The following PRORP variants were observed in gnomAD, a reference collection of about 807,000 sequenced individuals.
The protein encoded by PRORP is mitochondrial ribonuclease P catalytic subunit.
A neutral mutation model predicts 59.4 loss-of-function variants in PRORP; 51 were observed. The observed-to-expected ratio is 0.86, with a 90% CI of 0.69 to 1.08. The LOEUF is 1.08. Ranked by LOEUF, PRORP falls within the 50% of genes least tolerant of loss-of-function variation. The pLI, the probability that PRORP is intolerant of heterozygous loss-of-function variation, is 0.00. For synonymous variants in PRORP, 231 were observed against 245.6 expected (o/e 0.94, Z 0.55); for missense variants, 646 against 690.3 (o/e 0.94, Z 0.72).
intron 5 of PRORP, among the ~76,000 whole-genome samples, chr14:35,198,136 A>G (rs2049053363): frequency 6.6e-6 from 1 of 152,234 alleles, no homozygotes; most frequent in Non-Finnish European, 1.5e-5. Context: ...GGAACACCCA[A>G]TTCTGGTATA....
chr14:35,182,218 A>G (rs559503945), intron 5 of PRORP, among the ~76,000 whole-genome samples: 40 of 152,094 alleles, frequency 2.6e-4, no homozygotes, highest in African/African-American at 9.6e-4. Context: ...GTGAGCTGAG[A>G]TCATGTCACT....
intron 5 of PRORP, among the ~76,000 whole-genome samples, chr14:35,210,274 T>C (rs1204620393): frequency 6.6e-6 from 1 of 152,208 alleles, no homozygotes; most frequent in Non-Finnish European, 1.5e-5. Flanking sequence ...CAGTCCCCAG[T>C]AATTACTTGT....
chr14:35,209,052 A>C (rs2049368976), intron 5 of PRORP, among the ~76,000 whole-genome samples: 1 of 151,858 alleles, frequency 6.6e-6, no homozygotes, highest in African/African-American at 2.4e-5. Flanking sequence ...ATAAAAATAA[A>C]TAAAAATACA....
At chr14:35,250,244 GA>G (rs1189564914) in intron 5 of PRORP, among the ~76,000 whole-genome samples, 1 of 148,976 alleles carries the variant, frequency 6.7e-6, no homozygotes, top group African/African-American at 2.5e-5. Flanking sequence ...AAAAAAAAAA[GA>G]AAAAAAAAGA....
At chr14:35,206,769 C>G (rs1319891506) in intron 5 of PRORP, among the ~76,000 whole-genome samples, 1 of 152,086 alleles carries the variant, frequency 6.6e-6, no homozygotes, top group African/African-American at 2.4e-5. Flanking sequence ...GGTGGGAGTG[C>G]TAAGATTTTA....
chr14:35,206,483 G>A (rs1252378977), intron 5 of PRORP, among the ~76,000 whole-genome samples: 1 of 152,232 alleles, frequency 6.6e-6, no homozygotes, highest in Middle Eastern at 3.4e-3. Context: ...TACTGGCCAG[G>A]TCTACTCTGT....
intron 5 of PRORP, among the ~76,000 whole-genome samples, chr14:35,195,947 A>G (rs987527853): frequency 2.6e-5 from 4 of 152,212 alleles, no homozygotes; most frequent in Admixed American, 1.3e-4. Context: ...AAGGAGTCCA[A>G]GGAGAATGTA....
At chr14:35,272,753 T>C (rs753630607) in intron 7 of PRORP, among the ~76,000 whole-genome samples, 2 of 152,186 alleles carry the variant, frequency 1.3e-5, no homozygotes, top group Non-Finnish European at 2.9e-5. Flanking sequence ...ATAGCATTTC[T>C]CTACTTTTGT....
intron 5 of PRORP, among the ~76,000 whole-genome samples, chr14:35,248,007 T>C (rs2050525075): frequency 6.6e-6 from 1 of 152,058 alleles, no homozygotes; most frequent in Non-Finnish European, 1.5e-5. Context: ...TCAGAGAAGA[T>C]AGTGGTGAGC....
chr14:35,174,259 G>A (rs1222513429), intron 4 of PRORP, among the ~76,000 whole-genome samples: 1 of 151,762 alleles, frequency 6.6e-6, no homozygotes, highest in African/African-American at 2.4e-5. Flanking sequence ...GCCTGCTTTT[G>A]CTCATTCTTT....
chr14:35,122,028 G>C, upstream of PRORP: 2 of 1,560,638 alleles, frequency 1.3e-6, no homozygotes, highest in Non-Finnish European at 1.8e-6. Flanking sequence ...CAGCTCAGGC[G>C]TCAGCACCGC....
chr14:35,187,005 G>C (rs4488360), intron 5 of PRORP, among the ~76,000 whole-genome samples: 61,208 of 151,914 alleles, frequency 0.4, 12,816 homozygotes, highest in East Asian at 0.69. Flanking sequence ...CCCTTTTATT[G>C]CCAAATCGTG....
At chr14:35,187,570 G>T (rs574791173) in intron 5 of PRORP, among the ~76,000 whole-genome samples, 29 of 151,760 alleles carry the variant, frequency 1.9e-4, no homozygotes, top group Non-Finnish European at 3.7e-4. Flanking sequence ...CTGCAGGTGT[G>T]CACCACCATG....
upstream of PRORP, chr14:35,121,843 C>G (rs45508403): frequency 1.4e-3 from 2,182 of 1,584,116 alleles, 4 homozygotes; most frequent in Non-Finnish European, 1.8e-3. Flanking sequence ...CCACCTCCCC[C>G]CTACCTCTAG....
At chr14:35,218,880 T>A (rs2049693042) in intron 5 of PRORP, 1 of 152,168 alleles carries the variant, frequency 6.6e-6, no homozygotes, top group African/African-American at 2.4e-5. Flanking sequence ...TATGTGGACG[T>A]CATGATGCTC....
chr14:35,218,881 C>G (rs2049693133), intron 5 of PRORP: 1 of 152,114 alleles, frequency 6.6e-6, no homozygotes, highest in Non-Finnish European at 1.5e-5. Context: ...ATGTGGACGT[C>G]ATGATGCTCA....
chr14:35,271,065 C>T (rs933730185), intron 7 of PRORP, among the ~76,000 whole-genome samples: 1 of 150,712 alleles, frequency 6.6e-6, no homozygotes, highest in South Asian at 2.1e-4. Flanking sequence ...CCAGCCTGGG[C>T]GACAGAGCAA....
intron 4 of PRORP, among the ~76,000 whole-genome samples, chr14:35,179,156 C>G (rs1455744427): frequency 1.3e-5 from 2 of 152,220 alleles, no homozygotes; most frequent in African/African-American, 4.8e-5. Flanking sequence ...TGACCTTTCT[C>G]TCTAGCTGCC....
At chr14:35,212,725 G>C (rs1055582963) in intron 5 of PRORP, among the ~76,000 whole-genome samples, 1 of 152,160 alleles carries the variant, frequency 6.6e-6, no homozygotes, top group Admixed American at 6.5e-5. Context: ...AAGGGCCCTA[G>C]GATTTTTGGA....
Sources: allele counts gnomAD v4.1 joint callset (sites outside exome capture counted in the v4.1 genomes callset), GRCh38; gene constraint gnomAD v4.1.1; transcripts MANE v1.5; gene names NCBI Gene and HGNC (gene_info 2026-07-23, HGNC 2026-07-21).